Variants in SLC25A21 observed in about 807,000 individuals in gnomAD.
The protein encoded by SLC25A21 is mitochondrial 2-oxodicarboxylate carrier.
In SLC25A21, 47 loss-of-function variants were observed where a neutral mutation model predicts 43.8. That is an observed-to-expected ratio of 1.07 (90% confidence interval 0.85 to 1.37). The LOEUF (loss-of-function observed/expected upper bound fraction) is 1.37. SLC25A21 is among the 40% of genes most tolerant of loss of function. The pLI, the probability that SLC25A21 is intolerant of heterozygous loss-of-function variation, is 0.00. For missense variants in SLC25A21, 352 were observed against 350.2 expected (o/e 1.00, Z -0.04); for synonymous variants, 131 against 121.3 (o/e 1.08, Z -0.52).
chr14:37,172,441 G>A lies in SLC25A21; in HGVS notation c.-91C>T. On this transcript the variant is annotated 5_prime_UTR_variant, in exon 1 of 10. Transcript: ENST00000331299. ...CTACTGATCCAGAGAGCCCCGGCTG[G>A]GCTGGTCCTCAAGCGCGTTGGCTCC... 1 of 1,376,264 alleles carries A rather than the reference G, an allele frequency of 7.3e-7. No homozygotes were observed. The highest frequency in any genetic ancestry group is 1.0e-6 in the Non-Finnish European group (1 of 987,234). The allele number at this position is 1,376,264 out of a possible 1,614,324, so 85.3% of individuals were successfully genotyped here. A position where few individuals can be genotyped will look rare whatever the true frequency, so the allele number is the denominator to read the frequency against.
intron 1 of SLC25A21, among the ~76,000 whole-genome samples, chr14:37,101,277 T>C (rs926054708): frequency 1.3e-5 from 2 of 152,214 alleles, no homozygotes; most frequent in African/African-American, 4.8e-5. Flanking sequence ...TATTTTTCTT[T>C]TTTCTTCTTC....
intron 7 of SLC25A21, among the ~76,000 whole-genome samples, chr14:36,696,172 G>T (rs1046664766): frequency 1.3e-5 from 2 of 152,188 alleles, no homozygotes; most frequent in African/African-American, 4.8e-5. Context: ...TAATCATGTG[G>T]TTTTTGTCAT....
intron 3 of SLC25A21, among the ~76,000 whole-genome samples, chr14:36,810,174 C>A (rs1428969696): frequency 6.6e-6 from 1 of 152,142 alleles, no homozygotes; most frequent in Non-Finnish European, 1.5e-5. Flanking sequence ...AAAGGCATCA[C>A]AGGAAGAATG....
At chr14:37,110,223 T>C (rs752687024) in intron 1 of SLC25A21, among the ~76,000 whole-genome samples, 40 of 152,184 alleles carry the variant, frequency 2.6e-4, no homozygotes, top group African/African-American at 7.0e-4. Context: ...TTATGTTTTA[T>C]GTTAAGAGGT....
intron 1 of SLC25A21, among the ~76,000 whole-genome samples, chr14:37,160,115 G>A (rs1963913590): frequency 6.6e-6 from 1 of 152,128 alleles, no homozygotes; most frequent in Non-Finnish European, 1.5e-5. Flanking sequence ...CTGTTGATGA[G>A]AATGTAAACT....
At chr14:37,079,185 G>A (rs763592093) in intron 1 of SLC25A21, among the ~76,000 whole-genome samples, 21 of 152,028 alleles carry the variant, frequency 1.4e-4, no homozygotes, top group Admixed American at 2.6e-4. Flanking sequence ...CGTACAACTG[G>A]TCACCCTCAC....
intron 1 of SLC25A21, among the ~76,000 whole-genome samples, chr14:37,145,695 A>C (rs890711522): frequency 1.3e-5 from 2 of 152,192 alleles, no homozygotes; most frequent in Non-Finnish European, 2.9e-5. Flanking sequence ...TTTGAGCTTG[A>C]GAAAACAAAC....
At chr14:36,926,493 T>G (rs900288655) in intron 1 of SLC25A21, among the ~76,000 whole-genome samples, 2 of 151,710 alleles carry the variant, frequency 1.3e-5, no homozygotes, top group Admixed American at 1.3e-4. Context: ...ATCAGAGAGG[T>G]GGGTGGGACA....
chr14:36,681,839 G>C (rs1318113679), intron 9 of SLC25A21, among the ~76,000 whole-genome samples: 1 of 151,976 alleles, frequency 6.6e-6, no homozygotes, highest in East Asian at 1.9e-4. Context: ...TACTCTATTA[G>C]TCCCTCTTAG....
Position 36,726,797 on chromosome 14 carries a change from C to T in SLC25A21, c.331-1120G>A, listed in dbSNP as rs143851169. Among the ~76,000 whole-genome samples the T allele has an allele frequency of 7.5e-3, 1,135 of 152,242 alleles. 13 individuals carry two copies. Among genetic ancestry groups the T allele is most frequent in the African/African-American group, 0.023 (974 of 41,522 alleles). ...TAGTGCTGAACCTCCAATTCCAGGA[C>T]AAGAGGCAGTACTATAGACAACCAA... On this transcript the variant is annotated intron_variant, in intron 5 of 9. Transcript: ENST00000331299.
intron 2 of SLC25A21, among the ~76,000 whole-genome samples, chr14:36,839,027 C>T (rs1293468830): frequency 6.6e-6 from 1 of 152,188 alleles, no homozygotes; most frequent in Non-Finnish European, 1.5e-5. Flanking sequence ...TACATAATTA[C>T]TATCTACTAC....
At chr14:36,846,036 G>C (rs1382183464) in intron 2 of SLC25A21, among the ~76,000 whole-genome samples, 1 of 152,188 alleles carries the variant, frequency 6.6e-6, no homozygotes, top group South Asian at 2.1e-4. Context: ...TCTAAAACAT[G>C]GTGATTAGGA....
chr14:37,077,950 T>A (rs764979683), intron 1 of SLC25A21, among the ~76,000 whole-genome samples: 5 of 152,176 alleles, frequency 3.3e-5, no homozygotes, highest in African/African-American at 4.8e-5. Context: ...AAAATTTTTT[T>A]AAAATTTTTA....
intron 1 of SLC25A21, among the ~76,000 whole-genome samples, chr14:36,925,755 G>T (rs911144488): frequency 5.9e-5 from 9 of 152,174 alleles, no homozygotes; most frequent in African/African-American, 2.2e-4. Context: ...GCTGAGGCAG[G>T]AGAATTGCTT....
chr14:36,753,270 G>C (rs1885783296), intron 3 of SLC25A21, among the ~76,000 whole-genome samples: 1 of 152,128 alleles, frequency 6.6e-6, no homozygotes, highest in African/African-American at 2.4e-5. Context: ...AAAGTGAAAA[G>C]ATATAAAAAC....
chr14:36,894,953 T>C (rs1022676360), intron 1 of SLC25A21, among the ~76,000 whole-genome samples: 4 of 152,256 alleles, frequency 2.6e-5, no homozygotes, highest in African/African-American at 9.6e-5. Flanking sequence ...AGTATTTTAT[T>C]GAGGATTTTT....
intron 1 of SLC25A21, among the ~76,000 whole-genome samples, chr14:36,888,964 G>A (rs148218219): frequency 2.6e-4 from 39 of 152,262 alleles, no homozygotes; most frequent in East Asian, 1.7e-3. Flanking sequence ...AATTGCTTGC[G>A]TTTAATTAAT....
intron 3 of SLC25A21, among the ~76,000 whole-genome samples, chr14:36,745,440 A>G (rs896353202): frequency 2.6e-5 from 4 of 152,150 alleles, no homozygotes; most frequent in Non-Finnish European, 4.4e-5. Context: ...CAATGGTTGA[A>G]CTAATTTACA....
chr14:36,683,941 G>A (rs1335620436), intron 8 of SLC25A21, 61 bp from the exon 9 acceptor site: 5 of 1,295,344 alleles, frequency 3.9e-6, no homozygotes, highest in African/African-American at 1.5e-5. Flanking sequence ...TTGTACCTTA[G>A]CTTTATTGAG....
Sources: gnomAD v4.1 joint callset for allele counts (sites outside exome capture counted in the v4.1 genomes callset) on GRCh38, gnomAD v4.1.1 for gene constraint, MANE v1.5 for transcripts, NCBI Gene and HGNC (gene_info 2026-07-23, HGNC 2026-07-21) for gene names.